Variants in MOG observed in about 807,000 individuals in gnomAD.
MOG encodes the protein myelin-oligodendrocyte glycoprotein.
In MOG, 20 loss-of-function variants were observed where a neutral mutation model predicts 35.9. The observed-to-expected ratio is 0.56, with a 90% CI of 0.39 to 0.81. The LOEUF is 0.81. MOG is among the 30% of genes least tolerant of loss of function. The pLI, the probability that MOG is intolerant of heterozygous loss-of-function variation, is 0.00. For synonymous variants in MOG, 92 were observed against 114.3 expected, an observed-to-expected ratio of 0.80 and a Z score of 1.25; for missense variants, 251 against 301.0, an observed-to-expected ratio of 0.83 and a Z score of 1.23.
intron 3 of MOG, among the ~76,000 whole-genome samples, chr6:29,667,178 G>T (rs1770392857): frequency 6.6e-6 from 1 of 152,162 alleles, no homozygotes; most frequent in African/African-American, 2.4e-5. Context: ...CTGTCAAATA[G>T]AGAAAACATC....
Position 29,671,438 on chromosome 6 carries a change from C to T in MOG, c.*253C>T, listed in dbSNP as rs1771434157. ...TCTCTCCAGTCTTCCACCTGGAAGC[C>T]CTCTCTGGCTAAGGACAGGCAGGTG... On this transcript the variant is annotated 3_prime_UTR_variant, in exon 8 of 8. Coordinates refer to ENST00000376917, the MANE Select transcript of MOG (RefSeq NM_206809.4). 6.2e-7 allele frequency: 1 copy of T among 1,608,172 alleles called. No homozygotes were observed. The highest frequency in any genetic ancestry group is 1.7e-5 in the Admixed American group (1 of 59,992).
In MOG at chr6:29,657,225, A is replaced by C. The variant is rs1767283256; in HGVS notation, c.16A>C (p.Arg6=). MASLS[R]PSLPSCLCSF... is the part of the protein sequence containing the mutation. Reference sequence around the variant, plus strand: ...AACAGTAGAGATGGCAAGCTTATCAAGACCCTCTCTGCCCAGCTGCCTCTG... The same window carrying C: ...AACAGTAGAGATGGCAAGCTTATCACGACCCTCTCTGCCCAGCTGCCTCTG... The change falls in exon 1 of 8, where the codon AGA becomes CGA. Residue 6 remains arginine (R), a synonymous_variant. Transcript: ENST00000376917. 6.2e-7 allele frequency: 1 copy of C among 1,610,932 alleles called. No homozygotes were observed. The highest frequency in any genetic ancestry group is 1.3e-5 in the African/African-American group (1 of 74,722).
Position 29,670,611 on chromosome 6 carries a change from T to G in MOG, c.710-90T>G. On this transcript the variant is annotated intron_variant, in intron 6 of 7. Transcript: ENST00000376917. This position sits in a 1 kb window ranked among gnomAD's most constrained non-coding sequence, Gnocchi z 4.2. Reference sequence around the variant, plus strand: ...TGGGATCCCCCAGTGGAAAGGGCAGTGTGGGTCACTCCAAATGTCCATAGG... The same window carrying G: ...TGGGATCCCCCAGTGGAAAGGGCAGGGTGGGTCACTCCAAATGTCCATAGG... 1 of 1,590,122 alleles carries G rather than the reference T, an allele frequency of 6.3e-7. No homozygotes were observed. The highest frequency in any genetic ancestry group is 8.6e-7 in the Non-Finnish European group (1 of 1,167,962).
rs11376183 is a variant in MOG at position 29,665,976 on chromosome 6, G to GA, written c.437-168dup. 3.1e-4 allele frequency among the ~76,000 whole-genome samples: 47 copies of GA among 151,538 alleles called. 1 individual carries two copies. The highest frequency in any genetic ancestry group is 1.6e-3 in the East Asian group (8 of 5,148). Reference sequence around the variant, plus strand: ...CATTCTAAATCACTAGCATTTCCTGGAAAAAAAAGCCATTTTTCCTTCAGG... The same window carrying GA: ...CATTCTAAATCACTAGCATTTCCTGGAAAAAAAAAGCCATTTTTCCTTCAGG... On this transcript the variant is annotated intron_variant, in intron 2 of 7. Coordinates refer to ENST00000376917, the MANE Select transcript of MOG (RefSeq NM_206809.4).
At position 29,662,208 on chromosome 6, in the gene MOG, G is replaced by C. The variant is rs1583109752; in HGVS notation, c.436+2542G>C. ...TATGAAACATAAAAACAAATGCCAG[G>C]CGCGGCAGCTCACGCCTGTAATCCC... On this transcript the variant is annotated intron_variant, in intron 2 of 7. Transcript: ENST00000376917. This position sits in a 1 kb window ranked among gnomAD's most constrained non-coding sequence, Gnocchi z 4.2. The C allele has an allele frequency of 1.2e-5, 12 of 984,374 alleles. No homozygotes were observed. The highest frequency in any genetic ancestry group is 1.4e-5 in the Non-Finnish European group (12 of 829,104). The allele number at this position is 984,374 out of a possible 1,614,324, so 61.0% of individuals were successfully genotyped here. A position where few individuals can be genotyped will look rare whatever the true frequency, so the allele number is the denominator to read the frequency against.
Position 29,667,937 on chromosome 6 carries a change from A to G in MOG, c.592+13A>G. ...CACCGGACTTTTGGTAAGTTCCGGCATGTCTAGGCCCTCCCAGGTCAACTT... is the reference window on the plus strand; with the variant it reads ...CACCGGACTTTTGGTAAGTTCCGGCGTGTCTAGGCCCTCCCAGGTCAACTT... On this transcript the variant is annotated intron_variant, in intron 5 of 7. Transcript: ENST00000376917. The G allele has an allele frequency of 6.2e-7, 1 of 1,613,012 alleles. No individual in the cohort carries two copies. The highest frequency in any genetic ancestry group is 8.5e-7 in the Non-Finnish European group (1 of 1,179,920).
chr6:29,666,715 G>A (rs748864333), intron 3 of MOG, among the ~76,000 whole-genome samples: 3 of 152,176 alleles, frequency 2.0e-5, no homozygotes, highest in Admixed American at 6.5e-5. Flanking sequence ...CACAGTAGGC[G>A]TTCGAAAATT....
Position 29,660,420 on chromosome 6 carries a change from A to G in MOG, c.436+754A>G, listed in dbSNP as rs570713314. Among the ~76,000 whole-genome samples, 647 of 149,900 alleles carry G rather than the reference A, an allele frequency of 4.3e-3. 4 individuals carry two copies. Among genetic ancestry groups the G allele is most frequent in the Middle Eastern group, 0.017 (5 of 292 alleles). ...GTAGCAGGCGCCTGTAGTCCCAGCT[A>G]CTCGGGAGGCTGAGGCAGGAGAATG... On this transcript the variant is annotated intron_variant, in intron 2 of 7. Coordinates refer to ENST00000376917, the MANE Select transcript of MOG (RefSeq NM_206809.4).
intron 1 of MOG, among the ~76,000 whole-genome samples, chr6:29,657,811 A>AT (rs954392918): frequency 4.6e-5 from 7 of 151,418 alleles, no homozygotes; most frequent in Non-Finnish European, 7.4e-5. Flanking sequence ...ACTAGGCCTA[A>AT]TTTTTTTATT....
chr6:29,670,318 C>A lies in MOG; in HGVS notation c.630C>A (p.Thr210=). The A allele has an allele frequency of 6.2e-7, 1 of 1,614,096 alleles. No individual in the cohort carries two copies. Among genetic ancestry groups the A allele is most frequent in the Non-Finnish European group, 8.5e-7 (1 of 1,180,026 alleles). ...TGAGGGTGCCCTGCTGGAAGATAACCCTGTTTGTAATTGTGCCGGTTCTTG... is the reference window on the plus strand; with the variant it reads ...TGAGGGTGCCCTGCTGGAAGATAACACTGTTTGTAATTGTGCCGGTTCTTG... ...HFLRVPCWKI[T]LFVIVPVLGP... The change falls in exon 6 of 8, where the codon ACC becomes ACA. Residue 210 remains threonine (T), a synonymous_variant. Coordinates refer to ENST00000376917, the MANE Select transcript of MOG (RefSeq NM_206809.4). This position sits in a 1 kb window ranked among gnomAD's most constrained non-coding sequence, Gnocchi z 4.2.
At chr6:29,664,667 C>T (rs868747495) in intron 2 of MOG, 2 of 450,478 alleles carry the variant, frequency 4.4e-6, no homozygotes, top group South Asian at 3.1e-5. Context: ...TGCAGTGGCA[C>T]GATCATGGCT....
intron 1 of MOG, among the ~76,000 whole-genome samples, chr6:29,658,797 T>C (rs1461243795): frequency 6.6e-6 from 1 of 152,164 alleles, no homozygotes; most frequent in Non-Finnish European, 1.5e-5. Flanking sequence ...ACCAGAGTCT[T>C]TTTTGTCGTT....
rs1770143166 is a variant in MOG at position 29,666,042 on chromosome 6, C to G, written c.437-110C>G. On this transcript the variant is annotated intron_variant, in intron 2 of 7. Transcript: ENST00000376917. ...CAATTCTGTGTCACCTTCTTTGAATCCTGATGATATTCACTTCTTTATTTG... is the reference window on the plus strand; with the variant it reads ...CAATTCTGTGTCACCTTCTTTGAATGCTGATGATATTCACTTCTTTATTTG... The G allele has an allele frequency of 3.7e-6, 3 of 809,098 alleles. No individual in the cohort carries two copies. In the African/African-American group the frequency reaches 5.0e-5, roughly 14 times the overall value. 50.1% of individuals were successfully genotyped at this position (809,098 alleles called of 1,614,324 possible). A position where few individuals can be genotyped will look rare whatever the true frequency, so the allele number is the denominator to read the frequency against.
At chr6:29,666,116 C>A in intron 2 of MOG, 36 bp from the exon 3 acceptor site, 1 of 1,356,704 alleles carries the variant, frequency 7.4e-7, no homozygotes, top group Non-Finnish European at 1.1e-6. Flanking sequence ...GGGGATTCAG[C>A]TCTGGACAAT....
In MOG at chr6:29,667,679, C is replaced by T; in HGVS notation, c.571+16C>T. The stretch of plus-strand genomic sequence containing the variant: ...GCAGAGATAGGTGAGTTCCAGTCAT[C>T]GTTTCTCCCAATTCTTGCCTTTTGG... On this transcript the variant is annotated intron_variant, in intron 4 of 7. Coordinates refer to ENST00000376917, the MANE Select transcript of MOG (RefSeq NM_206809.4). The T allele has an allele frequency of 6.2e-7, 1 of 1,614,018 alleles. No individual in the cohort carries two copies. Among genetic ancestry groups the T allele is most frequent in the East Asian group, 2.2e-5 (1 of 44,874 alleles).
chr6:29,657,663 C>CTTTTTT (rs9278226), intron 1 of MOG, among the ~76,000 whole-genome samples: 398 of 109,666 alleles, frequency 3.6e-3, no homozygotes, highest in African/African-American at 4.3e-3. Context: ...TTTTTCTTTT[C>CTTTTTT]TTTTTTTTTT....
Position 29,670,652 on chromosome 6 carries a change from G to C in MOG, c.710-49G>C, listed in dbSNP as rs1300775545. 8.1e-6 allele frequency: 13 copies of C among 1,607,190 alleles called. No individual in the cohort carries two copies. The highest frequency in any genetic ancestry group is 9.3e-6 in the Non-Finnish European group (11 of 1,176,932). ...TGTCCATAGGGAGGATGTGGGGAAG[G>C]TGCTATTCATCTTCCACTAATCACA... On this transcript the variant is annotated intron_variant, in intron 6 of 7. Coordinates refer to ENST00000376917, the MANE Select transcript of MOG (RefSeq NM_206809.4). The surrounding 1 kb of genome is among the most constrained non-coding windows in gnomAD (Gnocchi z 4.2).
Position 29,670,676 on chromosome 6 carries a change from C to A in MOG, c.710-25C>A. 6.2e-7 allele frequency: 1 copy of A among 1,611,836 alleles called. No homozygotes were observed. The highest frequency in any genetic ancestry group is 8.5e-7 in the Non-Finnish European group (1 of 1,179,422). The stretch of plus-strand genomic sequence containing the variant: ...GGTGCTATTCATCTTCCACTAATCA[C>A]ATATTTGTTTCTTTTTGTTTTCAGG... On this transcript the variant is annotated intron_variant, in intron 6 of 7. Transcript: ENST00000376917. The surrounding 1 kb of genome is among the most constrained non-coding windows in gnomAD (Gnocchi z 4.2).
chr6:29,664,778 A>AT (rs879556724), intron 2 of MOG: 27 of 331,620 alleles, frequency 8.1e-5, no homozygotes, highest in Middle Eastern at 4.2e-4. Context: ...GTAATTTTTA[A>AT]TTTTTTTTCG....
Sources: gnomAD v4.1 joint callset for allele counts (sites outside exome capture counted in the v4.1 genomes callset) on GRCh38, gnomAD v4.1.1 for gene constraint, Gnocchi (gnomAD v3.1) non-coding constraint, MANE v1.5 for transcripts, NCBI Gene and HGNC (gene_info 2026-07-23, HGNC 2026-07-21) for gene names.